Variants in RIMS1 observed in about 807,000 individuals in gnomAD.
The protein encoded by RIMS1 is regulating synaptic membrane exocytosis protein 1.
Under a neutral mutation model 214.1 loss-of-function variants are expected in RIMS1, and 83 were observed. The observed-to-expected ratio is 0.39, with a 90% CI of 0.32 to 0.47. RIMS1 has a LOEUF of 0.47. Ranked by LOEUF, RIMS1 falls within the 20% of genes least tolerant of loss-of-function variation. The probability of loss-of-function intolerance (pLI) is 0.99; values close to 1 mark genes in which losing one functional copy is unlikely to be tolerated. For synonymous variants in RIMS1, 793 were observed against 786.8 expected (o/e 1.01, Z -0.13); for missense variants, 2,050 against 2,161.8 (o/e 0.95, Z 1.03).
intron 2 of RIMS1, among the ~76,000 whole-genome samples, chr6:72,051,931 T>TA (rs1824813235): frequency 6.6e-6 from 1 of 152,112 alleles, no homozygotes; most frequent in Non-Finnish European, 1.5e-5. Flanking sequence ...AAAGAAGTTT[T>TA]AAAAAATGAT....
intron 6 of RIMS1, among the ~76,000 whole-genome samples, chr6:72,203,200 G>A (rs569438440): frequency 2.6e-4 from 40 of 152,170 alleles, no homozygotes; most frequent in African/African-American, 9.6e-4. Context: ...TGTTAGCCAG[G>A]ATGGTCTCGA....
At chr6:72,333,156 C>T (rs1390891351) in intron 28 of RIMS1, among the ~76,000 whole-genome samples, 1 of 151,876 alleles carries the variant, frequency 6.6e-6, no homozygotes, top group Non-Finnish European at 1.5e-5. Context: ...ATACTGTTTT[C>T]ATTTCTTAAG....
At chr6:72,061,177 C>T (rs1037479659) in intron 2 of RIMS1, among the ~76,000 whole-genome samples, 3 of 152,078 alleles carry the variant, frequency 2.0e-5, no homozygotes, top group Admixed American at 6.5e-5. Context: ...CTTAATAACT[C>T]AGACCTACTA....
intron 29 of RIMS1, among the ~76,000 whole-genome samples, chr6:72,341,128 G>T (rs1291273873): frequency 6.6e-6 from 1 of 152,016 alleles, no homozygotes; most frequent in Non-Finnish European, 1.5e-5. Flanking sequence ...TTTGCACATT[G>T]ATTTTGTATC....
chr6:72,012,208 T>A (rs867692405), intron 2 of RIMS1, among the ~76,000 whole-genome samples: 6 of 152,262 alleles, frequency 3.9e-5, no homozygotes, highest in Middle Eastern at 6.8e-3. Context: ...GAAACCATCA[T>A]TCTCAGCAAA....
chr6:72,309,214 G>A (rs1237269602), intron 27 of RIMS1, among the ~76,000 whole-genome samples: 1 of 151,998 alleles, frequency 6.6e-6, no homozygotes, highest in African/African-American at 2.4e-5. Context: ...CCAAAAAATC[G>A]ACAAAATGAA....
rs561849571 is a variant in RIMS1, at chr6:72,132,978, C to T, written c.471+32992C>T. On this transcript the variant is annotated intron_variant, in intron 4 of 33. Coordinates refer to ENST00000521978, the MANE Select transcript of RIMS1 (RefSeq NM_014989.7). ...TTTTTTATTAATTGTCAAGACAACC[C>T]TATTACTATCTAGTCATGACAAATG... Among the ~76,000 whole-genome samples the T allele has an allele frequency of 1.1e-4, 17 of 150,868 alleles. No individual in the cohort carries two copies. In the South Asian group the frequency reaches 3.6e-3, roughly 32 times the overall value.
rs758157140 is a variant in RIMS1 at position 72,354,081 on chromosome 6, G to A, written c.4366+20246G>A. Reference sequence around the variant, plus strand: ...CTGCAAATACAAAAATTAGCCGGGCGTGGTGGCACGTGCCTGCAATCCCAG... The same window carrying A: ...CTGCAAATACAAAAATTAGCCGGGCATGGTGGCACGTGCCTGCAATCCCAG... On this transcript the variant is annotated intron_variant, in intron 29 of 33. Transcript: ENST00000521978. Among the ~76,000 whole-genome samples the A allele has an allele frequency of 4.6e-5, 7 of 152,100 alleles. 1 individual carries two copies. Among genetic ancestry groups the A allele is most frequent in the Non-Finnish European group, 7.4e-5 (5 of 67,998 alleles).
intron 4 of RIMS1, among the ~76,000 whole-genome samples, chr6:72,143,813 A>G (rs545083799): frequency 6.6e-6 from 1 of 152,340 alleles, no homozygotes; most frequent in South Asian, 2.1e-4. Flanking sequence ...CTTTTCTGCT[A>G]GAAGCATTGC....
chr6:72,126,528 A>T (rs911368047), intron 4 of RIMS1, among the ~76,000 whole-genome samples: 1 of 152,122 alleles, frequency 6.6e-6, no homozygotes, highest in African/African-American at 2.4e-5. Context: ...TGCATTCAAC[A>T]AAGGACTAAT....
intron 26 of RIMS1, among the ~76,000 whole-genome samples, chr6:72,297,534 C>G (rs1037088669): frequency 6.6e-6 from 1 of 151,964 alleles, no homozygotes; most frequent in Non-Finnish European, 1.5e-5. Context: ...GAAATATGCA[C>G]ATTTAGGGCC....
chr6:72,251,991 G>T (rs2073591083), intron 15 of RIMS1, among the ~76,000 whole-genome samples: 1 of 152,168 alleles, frequency 6.6e-6, no homozygotes. Context: ...GGGATTACAG[G>T]TGTGAGCCAC....
intron 4 of RIMS1, among the ~76,000 whole-genome samples, chr6:72,170,527 T>C (rs934449232): frequency 6.6e-6 from 1 of 152,010 alleles, no homozygotes; most frequent in Non-Finnish European, 1.5e-5. Flanking sequence ...GTATTTTTAG[T>C]AGAGATAGGG....
chr6:72,081,553 T>C (rs565432792), intron 2 of RIMS1, among the ~76,000 whole-genome samples: 2 of 152,264 alleles, frequency 1.3e-5, no homozygotes, highest in African/African-American at 4.8e-5. Context: ...CACTTTTTTT[T>C]TAGTATCTAA....
intron 2 of RIMS1, among the ~76,000 whole-genome samples, chr6:72,015,099 TG>T (rs1299376113): frequency 6.6e-6 from 1 of 152,178 alleles, no homozygotes; most frequent in East Asian, 1.9e-4. Context: ...ACCTTGGGGA[TG>T]GGATGAAAGT....
chr6:72,023,692 A>T (rs1360899028), intron 2 of RIMS1, among the ~76,000 whole-genome samples: 2 of 152,090 alleles, frequency 1.3e-5, no homozygotes, highest in Non-Finnish European at 2.9e-5. Flanking sequence ...TTTGGATTAG[A>T]CAGAATTGTT....
chr6:72,336,760 G>A (rs1187146100), intron 29 of RIMS1, among the ~76,000 whole-genome samples: 2 of 151,770 alleles, frequency 1.3e-5, no homozygotes, highest in Non-Finnish European at 2.9e-5. Context: ...AGTGACAAAT[G>A]TTGATAACCC....
At chr6:72,134,479 A>G (rs2040948703) in intron 4 of RIMS1, among the ~76,000 whole-genome samples, 1 of 152,124 alleles carries the variant, frequency 6.6e-6, no homozygotes, top group African/African-American at 2.4e-5. Flanking sequence ...GGAAAATAAC[A>G]GAAAAACATA....
At position 72,343,123 on chromosome 6, in the gene RIMS1, C is replaced by T. The variant is rs192982753; in HGVS notation, c.4366+9288C>T. On this transcript the variant is annotated intron_variant, in intron 29 of 33. Coordinates refer to ENST00000521978, the MANE Select transcript of RIMS1 (RefSeq NM_014989.7). ...AACATTTATCAGGGATCAAGGCCTCCCTTGCAGGTATCTGGTTCACATTAG... is the reference window on the plus strand; with the variant it reads ...AACATTTATCAGGGATCAAGGCCTCTCTTGCAGGTATCTGGTTCACATTAG... Among the ~76,000 whole-genome samples the T allele has an allele frequency of 1.5e-4, 23 of 151,916 alleles. No homozygotes were observed. In the East Asian group the frequency reaches 3.5e-3, roughly 23 times the overall value.
Sources: gnomAD v4.1 joint callset for allele counts (sites outside exome capture counted in the v4.1 genomes callset) on GRCh38, gnomAD v4.1.1 for gene constraint, MANE v1.5 for transcripts, NCBI Gene and HGNC (gene_info 2026-07-23, HGNC 2026-07-21) for gene names.